HSPBAP1: variants seen among roughly 807,000 people sequenced by gnomAD.
The protein encoded by HSPBAP1 is HSPB1-associated protein 1.
A neutral mutation model predicts 45.2 loss-of-function variants in HSPBAP1; 27 were observed. The ratio of observed to expected loss-of-function variants is 0.60; its 90% CI spans 0.44 to 0.82. HSPBAP1 has a LOEUF of 0.82. Ranked by LOEUF, HSPBAP1 falls within the 40% of genes least tolerant of loss-of-function variation. HSPBAP1 has a pLI of 0.00. For synonymous variants in HSPBAP1, 204 were observed against 202.7 expected, an observed-to-expected ratio of 1.01 and a Z score of -0.06; for missense variants, 510 against 590.9, an observed-to-expected ratio of 0.86 and a Z score of 1.42.
intron 6 of HSPBAP1, among the ~76,000 whole-genome samples, chr3:122,751,476 C>A (rs1011805190): frequency 2.6e-5 from 4 of 152,154 alleles, no homozygotes; most frequent in African/African-American, 7.2e-5. Context: ...AGGAAAAAAT[C>A]ACCCATAAAA....
At chr3:122,743,836 G>C (rs1286217212) in intron 6 of HSPBAP1, among the ~76,000 whole-genome samples, 1 of 152,042 alleles carries the variant, frequency 6.6e-6, no homozygotes, top group East Asian at 1.9e-4. Flanking sequence ...GAAGAACACA[G>C]CACAAATGCA....
chr3:122,752,938 T>C (rs1934210909), intron 5 of HSPBAP1: 1 of 1,145,520 alleles, frequency 8.7e-7, no homozygotes, highest in African/African-American at 1.6e-5. Context: ...TGTCTGCACC[T>C]AAATCTTAGT....
At chr3:122,766,066 G>A (rs1934770435) in intron 3 of HSPBAP1, among the ~76,000 whole-genome samples, 1 of 152,188 alleles carries the variant, frequency 6.6e-6, no homozygotes, top group Admixed American at 6.5e-5. Context: ...GAATGGAGAA[G>A]CAGAGAATCC....
chr3:122,791,322 T>C (rs983466167), intron 1 of HSPBAP1, among the ~76,000 whole-genome samples: 1 of 152,262 alleles, frequency 6.6e-6, no homozygotes, highest in Admixed American at 6.5e-5. Context: ...ACCTTCAGGA[T>C]ACCTCTTTTC....
chr3:122,791,763 C>A (rs1935837732), intron 1 of HSPBAP1, among the ~76,000 whole-genome samples: 1 of 152,134 alleles, frequency 6.6e-6, no homozygotes, highest in Non-Finnish European at 1.5e-5. Context: ...GACAAGAGAT[C>A]CTGCTAAAGA....
intron 2 of HSPBAP1, among the ~76,000 whole-genome samples, chr3:122,773,201 A>T (rs1935062962): frequency 6.6e-6 from 1 of 152,084 alleles, no homozygotes; most frequent in Non-Finnish European, 1.5e-5. Flanking sequence ...TAAACCCTAA[A>T]ATCCCAATAA....
In HSPBAP1 at chr3:122,783,993, G is replaced by A. The variant is rs111889702; in HGVS notation, c.65-6087C>T. On this transcript the variant is annotated intron_variant, in intron 1 of 7. Transcript: ENST00000306103. ...CTACAGGCACACACCACCATGCCCA[G>A]CTAATTTTTATATTTTTAGTAGAGA... Among the ~76,000 whole-genome samples the A allele has an allele frequency of 3.1e-4, 47 of 152,184 alleles. 1 individual carries two copies. The highest frequency in any genetic ancestry group is 1.1e-3 in the African/African-American group (46 of 41,528).
At chr3:122,767,569 GACA>G (rs1934831518) in intron 3 of HSPBAP1, among the ~76,000 whole-genome samples, 1 of 151,298 alleles carries the variant, frequency 6.6e-6, no homozygotes, top group Non-Finnish European at 1.5e-5. Context: ...AAACAACAAT[GACA>G]ACAACAACAA....
intron 2 of HSPBAP1, among the ~76,000 whole-genome samples, chr3:122,776,509 A>G (rs1244622503): frequency 2.0e-5 from 3 of 152,250 alleles, no homozygotes; most frequent in African/African-American, 7.2e-5. Context: ...CTGAAACAAT[A>G]GCTTTAAATA....
In HSPBAP1 at chr3:122,793,794, G is replaced by T; in HGVS notation, c.-114C>A. On this transcript the variant is annotated 5_prime_UTR_variant, in exon 1 of 8. Coordinates refer to ENST00000306103, the MANE Select transcript of HSPBAP1 (RefSeq NM_024610.6). ...CTGCACCACAGGAAGGAGCCCCGGC[G>T]ACTCCCGCCCGGCTCCTACGGAAAC... 1 of 902,478 alleles carries T rather than the reference G, an allele frequency of 1.1e-6. No homozygotes were observed. The highest frequency in any genetic ancestry group is 1.7e-6 in the Non-Finnish European group (1 of 585,316). The allele number at this position is 902,478 out of a possible 1,614,324, so 55.9% of individuals were successfully genotyped here.
chr3:122,782,786 CCTT>C (rs748102861), intron 1 of HSPBAP1, among the ~76,000 whole-genome samples: 1 of 152,188 alleles, frequency 6.6e-6, no homozygotes, highest in Non-Finnish European at 1.5e-5. Context: ...TATCACCCAA[CCTT>C]CTTCTCTACG....
chr3:122,772,090 A>C (rs72966393), intron 2 of HSPBAP1, among the ~76,000 whole-genome samples: 6,417 of 152,298 alleles, frequency 0.042, 447 homozygotes, highest in African/African-American at 0.14. Flanking sequence ...AACAGTTATA[A>C]TAAATTTACA....
chr3:122,745,731 C>T (rs1374288173), intron 6 of HSPBAP1, among the ~76,000 whole-genome samples: 2 of 152,046 alleles, frequency 1.3e-5, no homozygotes, highest in Non-Finnish European at 2.9e-5. Flanking sequence ...TTTGGATATG[C>T]CAAAGACAAG....
At chr3:122,762,708 T>C (rs1042221122) in intron 3 of HSPBAP1, among the ~76,000 whole-genome samples, 2 of 152,236 alleles carry the variant, frequency 1.3e-5, no homozygotes, top group Non-Finnish European at 2.9e-5. Context: ...GAATTTTTAA[T>C]TTAATTCTGT....
At chr3:122,768,431 T>C (rs1934864797) in intron 3 of HSPBAP1, among the ~76,000 whole-genome samples, 2 of 152,218 alleles carry the variant, frequency 1.3e-5, no homozygotes, top group African/African-American at 4.8e-5. Flanking sequence ...GCTTCTAACA[T>C]ACTCCAAACC....
chr3:122,778,219 T>G (rs1042262030), intron 1 of HSPBAP1, among the ~76,000 whole-genome samples: 13 of 20,844 alleles, frequency 6.2e-4, no homozygotes, highest in African/African-American at 1.3e-3. Flanking sequence ...TTTTTTGTTG[T>G]TTTTTTTTTT....
chr3:122,790,267 C>T (rs1935784168), intron 1 of HSPBAP1, among the ~76,000 whole-genome samples: 1 of 152,180 alleles, frequency 6.6e-6, no homozygotes, highest in Non-Finnish European at 1.5e-5. Context: ...CCCTCTTCGT[C>T]ACTTCAGCAT....
In HSPBAP1 at chr3:122,752,685, A is replaced by G. The variant is rs760387088; in HGVS notation, c.742-11T>C. Reference sequence around the variant, plus strand: ...GGGAACAAAGAGAACCTGAAAACCAAACAAAGAATGGTTAGCACAAGAACA... The same window carrying G: ...GGGAACAAAGAGAACCTGAAAACCAGACAAAGAATGGTTAGCACAAGAACA... On this transcript the variant is annotated splice_polypyrimidine_tract_variant and intron_variant, in intron 5 of 7. Coordinates refer to ENST00000306103, the MANE Select transcript of HSPBAP1 (RefSeq NM_024610.6). The G allele has an allele frequency of 6.3e-7, 1 of 1,587,660 alleles. No individual in the cohort carries two copies.
chr3:122,758,926 G>C, intron 4 of HSPBAP1: 2 of 354,044 alleles, frequency 5.6e-6, no homozygotes, highest in South Asian at 2.2e-5. Flanking sequence ...AGACCAAGCA[G>C]AGAGCTGTCT....
Sources: gnomAD v4.1 joint callset for allele counts (sites outside exome capture counted in the v4.1 genomes callset) on GRCh38, gnomAD v4.1.1 for gene constraint, MANE v1.5 for transcripts, NCBI Gene and HGNC (gene_info 2026-07-23, HGNC 2026-07-21) for gene names.